Variants in NRXN3 observed in about 807,000 individuals in gnomAD.
The protein encoded by NRXN3 is neurexin III.
A neutral mutation model predicts 137.6 loss-of-function variants in NRXN3; 32 were observed. The observed-to-expected ratio is 0.23, with a 90% CI of 0.18 to 0.31. NRXN3 has a LOEUF of 0.31. Among genes scored for constraint, NRXN3 ranks in the 10% least tolerant of loss-of-function variants. The probability of loss-of-function intolerance (pLI) is 1.00; values close to 1 mark genes in which losing one functional copy is unlikely to be tolerated. For missense variants in NRXN3, 1,574 were observed against 2,062.5 expected (o/e 0.76, Z 4.59); for synonymous variants, 798 against 784.5 (o/e 1.02, Z -0.29).
rs74975701 is a variant in NRXN3, at chr14:79,599,082, T to G, written c.3445-64696T>G. 4.8e-3 allele frequency among the ~76,000 whole-genome samples: 736 copies of G among 152,344 alleles called. 3 individuals are homozygous for G. Among genetic ancestry groups the G allele is most frequent in the Middle Eastern group, 0.01 (3 of 294 alleles). ...CTATGATAACTTTTCAAATGTTTTT[T>G]GACATCTATTCAGTACCGAGCTCCC... is the stretch of plus-strand genomic sequence containing the variant. On this transcript the variant is annotated intron_variant, in intron 16 of 20. Coordinates refer to ENST00000335750, the MANE Select transcript of NRXN3 (RefSeq NM_001330195.2).
chr14:78,905,978 G>A (rs1368420793), intron 10 of NRXN3, among the ~76,000 whole-genome samples: 1 of 151,734 alleles, frequency 6.6e-6, no homozygotes, highest in African/African-American at 2.4e-5. Context: ...GGCTAAAACT[G>A]GAATAATTTA....
At chr14:78,546,601 T>G (rs866130267) in intron 4 of NRXN3, among the ~76,000 whole-genome samples, 11 of 152,252 alleles carry the variant, frequency 7.2e-5, no homozygotes, top group African/African-American at 2.4e-4. Context: ...TTAAGATTCT[T>G]TTTAAATCTT....
chr14:78,360,190 C>G (rs2084910851), intron 4 of NRXN3, among the ~76,000 whole-genome samples: 1 of 152,102 alleles, frequency 6.6e-6, no homozygotes, highest in South Asian at 2.1e-4. Context: ...CTGAGCTTCT[C>G]TAGGGAACTT....
intron 4 of NRXN3, among the ~76,000 whole-genome samples, chr14:78,480,397 G>T (rs2095452979): frequency 6.6e-6 from 1 of 152,160 alleles, no homozygotes; most frequent in Non-Finnish European, 1.5e-5. Context: ...AGGGGTATTT[G>T]TTAAAAGTTA....
At chr14:79,219,074 A>G (rs1035370655) in intron 15 of NRXN3, among the ~76,000 whole-genome samples, 6 of 152,058 alleles carry the variant, frequency 3.9e-5, no homozygotes, top group African/African-American at 7.2e-5. Flanking sequence ...AATAAGGTCT[A>G]TTTTTTAAAA....
At chr14:78,445,650 A>G (rs1423846395) in intron 4 of NRXN3, among the ~76,000 whole-genome samples, 2 of 152,200 alleles carry the variant, frequency 1.3e-5, no homozygotes, top group Non-Finnish European at 2.9e-5. Flanking sequence ...TTGGGCAGCA[A>G]GTCCCTCAAC....
intron 6 of NRXN3, among the ~76,000 whole-genome samples, chr14:78,660,081 G>A (rs1209658101): frequency 1.3e-5 from 2 of 152,032 alleles, no homozygotes; most frequent in Non-Finnish European, 2.9e-5. Context: ...AAGCGTGGCT[G>A]TAAAAAAGTG....
chr14:79,408,680 T>C (rs965213897), intron 15 of NRXN3, among the ~76,000 whole-genome samples: 3 of 152,018 alleles, frequency 2.0e-5, no homozygotes, highest in Admixed American at 6.6e-5. Context: ...ATAAAAACTT[T>C]ATGTCTCCTC....
chr14:78,611,050 T>C (rs2152468517), intron 4 of NRXN3, among the ~76,000 whole-genome samples: 1 of 152,170 alleles, frequency 6.6e-6, no homozygotes, highest in East Asian at 1.9e-4. Flanking sequence ...CCATGCAGCA[T>C]TTGCTCCCCC....
chr14:78,359,266 C>T (rs111329320), intron 4 of NRXN3, among the ~76,000 whole-genome samples: 2,951 of 152,166 alleles, frequency 0.019, 48 homozygotes, highest in Middle Eastern at 0.048. Context: ...TGGTTCTCAG[C>T]CCCCCAGAGA....
chr14:79,553,520 C>T (rs2097397024), intron 16 of NRXN3, among the ~76,000 whole-genome samples: 1 of 152,178 alleles, frequency 6.6e-6, no homozygotes, highest in Admixed American at 6.6e-5. Context: ...TGCCACCTAA[C>T]TCCCACCTCT....
At chr14:79,415,112 C>A (rs1418301416) in intron 15 of NRXN3, among the ~76,000 whole-genome samples, 1 of 152,086 alleles carries the variant, frequency 6.6e-6, no homozygotes, top group African/African-American at 2.4e-5. Flanking sequence ...CTCTCTCACA[C>A]ATTTTCTTTG....
chr14:79,719,453 A>T (rs1036558783), intron 19 of NRXN3, among the ~76,000 whole-genome samples: 16 of 149,054 alleles, frequency 1.1e-4, no homozygotes, highest in Admixed American at 1.0e-3. Flanking sequence ...ATCAAAACAA[A>T]AAAGGCAATT....
chr14:79,341,472 C>T (rs1393753056), intron 15 of NRXN3, among the ~76,000 whole-genome samples: 1 of 152,142 alleles, frequency 6.6e-6, no homozygotes, highest in Admixed American at 6.5e-5. Flanking sequence ...GTCTCAGGCC[C>T]CACTTCAGAC....
At chr14:79,285,186 G>A (rs7161402) in intron 15 of NRXN3, among the ~76,000 whole-genome samples, 6,596 of 151,898 alleles carry the variant, frequency 0.043, 351 homozygotes, top group African/African-American at 0.12. Flanking sequence ...AAAACAAGAC[G>A]CACACACACA....
chr14:79,302,317 G>T (rs570255483), intron 15 of NRXN3, among the ~76,000 whole-genome samples: 1 of 152,000 alleles, frequency 6.6e-6, no homozygotes, highest in South Asian at 2.1e-4. Context: ...AGAAAAAGAG[G>T]TTTATTGGGC....
rs368643043 is a variant in NRXN3, at chr14:78,173,510, TG to T, written c.-704+2837del. Among the ~76,000 whole-genome samples the T allele has an allele frequency of 6.6e-5, 10 of 151,162 alleles. No individual in the cohort carries two copies. The East Asian group carries it at 1.8e-3, about 27-fold the overall frequency. Reference sequence around the variant, plus strand: ...TGGGCATTGTGTGTGCTTGTGTCTCTGTGTGTGTGTGAAATTTTTTCATCCC... The same window carrying T: ...TGGGCATTGTGTGTGCTTGTGTCTCTTGTGTGTGTGAAATTTTTTCATCCC... On this transcript the variant is annotated intron_variant, in intron 1 of 20. Transcript: ENST00000335750.
chr14:79,585,666 A>G (rs2097758828), intron 16 of NRXN3, among the ~76,000 whole-genome samples: 1 of 140,626 alleles, frequency 7.1e-6, no homozygotes, highest in African/African-American at 2.9e-5. Flanking sequence ...GCCTGGCGAC[A>G]GAGCGAGACT....
chr14:78,484,001 C>G (rs935905302), intron 4 of NRXN3, among the ~76,000 whole-genome samples: 4 of 146,570 alleles, frequency 2.7e-5, no homozygotes, highest in Non-Finnish European at 5.9e-5. Context: ...CACACACACA[C>G]ACACACACAC....
Sources: allele counts gnomAD v4.1 joint callset (sites outside exome capture counted in the v4.1 genomes callset), GRCh38; gene constraint gnomAD v4.1.1; transcripts MANE v1.5; gene names NCBI Gene and HGNC (gene_info 2026-07-23, HGNC 2026-07-21).